Variants in DOP1B observed in about 807,000 individuals in gnomAD.
DOP1B encodes protein DOP1B.
In DOP1B, 174 loss-of-function variants were observed where a neutral mutation model predicts 233.5. That is an observed-to-expected ratio of 0.75 (90% CI 0.66 to 0.85). The LOEUF (loss-of-function observed/expected upper bound fraction) is 0.85. DOP1B is among the 40% of genes least tolerant of loss of function. The pLI, the probability that DOP1B is intolerant of heterozygous loss-of-function variation, is 0.00. For missense variants in DOP1B, 2,652 were observed against 2,846.6 expected (o/e 0.93, Z 1.56); for synonymous variants, 1,190 against 1,185.6 (o/e 1.00, Z -0.08).
Position 36,246,196 on chromosome 21 carries a change from A to C in DOP1B, c.4216A>C (p.Thr1406Pro), listed in dbSNP as rs754452524. Residue 1406 changes from threonine (T) to proline (P), a missense_variant, in exon 19 of 37, where the codon ACC becomes CCC. Transcript: ENST00000691173. The surrounding 1 kb of genome is among the most constrained non-coding windows in gnomAD (Gnocchi z 5.1). ...GAGCCAGAAGCGCTACGGGCTGGCC[A>C]CCGCCCACCACGGCAGGGCCCTGCC... The part of the protein sequence containing the change: ...YTSQKRYGLA[T>P]AHHGRALPED... The C allele has an allele frequency of 1.2e-6, 2 of 1,613,724 alleles. No homozygotes were observed. The highest frequency in any genetic ancestry group is 2.2e-5 in the South Asian group (2 of 91,068).
chr21:36,164,878 A>G lies in DOP1B; in HGVS notation c.138+7A>G. 6.3e-7 allele frequency: 1 copy of G among 1,597,142 alleles called. No individual in the cohort carries two copies. Among genetic ancestry groups the G allele is most frequent in the Non-Finnish European group, 8.5e-7 (1 of 1,172,674 alleles). ...ACTTGGCAAACTCAACAAGGTATGT[A>G]GGGTGTATCCTATTTGGATTGCATG... On this transcript the variant is annotated splice_region_variant and intron_variant, in intron 2 of 36. Transcript: ENST00000691173.
chr21:36,290,874 G>T (rs1001968218), intron 35 of DOP1B, among the ~76,000 whole-genome samples: 3 of 151,836 alleles, frequency 2.0e-5, no homozygotes, highest in African/African-American at 7.3e-5. Flanking sequence ...GGAAGCTGAG[G>T]AAGGAGAATC....
At chr21:36,280,063 CAG>C (rs770914667) in intron 30 of DOP1B, among the ~76,000 whole-genome samples, 2 of 152,178 alleles carry the variant, frequency 1.3e-5, no homozygotes, top group Non-Finnish European at 1.5e-5. Flanking sequence ...TTAGTAGAGA[CAG>C]GGTTTCTCCA....
At chr21:36,280,718 A>G (rs933581813) in intron 31 of DOP1B, among the ~76,000 whole-genome samples, 4 of 152,098 alleles carry the variant, frequency 2.6e-5, no homozygotes, top group African/African-American at 9.7e-5. Context: ...AGAAATAAGT[A>G]TTGGGCTGGG....
At chr21:36,258,716 C>G (rs538157726) in intron 23 of DOP1B, among the ~76,000 whole-genome samples, 2 of 152,230 alleles carry the variant, frequency 1.3e-5, no homozygotes, top group Non-Finnish European at 2.9e-5. Context: ...TGAGTGGTGT[C>G]GTGGAGGCTA....
chr21:36,265,888 A>C (rs1601464731), intron 26 of DOP1B, among the ~76,000 whole-genome samples: 2 of 152,276 alleles, frequency 1.3e-5, no homozygotes, highest in East Asian at 3.9e-4. Context: ...GCTTCCCACC[A>C]GCAACCAAGC....
chr21:36,159,706 G>A lies in DOP1B; in HGVS notation c.-27+2763G>A, dbSNP rs561793132. 4.7e-4 allele frequency among the ~76,000 whole-genome samples: 72 copies of A among 152,246 alleles called. No homozygotes were observed. The South Asian group carries it at 0.014, about 30-fold the overall frequency. On this transcript the variant is annotated intron_variant, in intron 1 of 36. Transcript: ENST00000691173. ...TGCCCTTCTTGCCATGAGCAGTGGC[G>A]TCCCTTGCCACCCCACCTTCTAAAT... is the stretch of plus-strand genomic sequence containing the variant.
At position 36,245,590 on chromosome 21, in the gene DOP1B, G is replaced by T. The variant is rs145394127; in HGVS notation, c.3610G>T (p.Ala1204Ser). The T allele has an allele frequency of 2.9e-4, 467 of 1,613,334 alleles. 2 individuals carry two copies. The Middle Eastern group carries it at 7.3e-3, about 25-fold the overall frequency. ...CGAGGAGGCGGACTTGGAGCTCCAG[G>T]CCCTCACCACATCCAGGCTGCTAAA... ...SDEEADLELQ[A>S]LTTSRLLKQQ... Residue 1204 changes from alanine (A) to serine (S), a missense_variant, in exon 19 of 37, where the codon GCC becomes TCC. By Grantham distance (99) the Ala-to-Ser change is moderately conservative. Around this residue, in one of 3 missense-constraint regions of DOP1B, gnomAD observed 2,617 missense variants for 2,794.3 expected, o/e 0.94. Coordinates refer to ENST00000691173, the MANE Select transcript of DOP1B (RefSeq NM_001320714.2). The surrounding 1 kb of genome is among the most constrained non-coding windows in gnomAD (Gnocchi z 5.5).
intron 13 of DOP1B, among the ~76,000 whole-genome samples, chr21:36,228,494 C>T (rs556868180): frequency 5.6e-4 from 85 of 151,890 alleles, no homozygotes; most frequent in South Asian, 1.0e-3. Context: ...GGGCTGGGCG[C>T]GGTGGCTCAC....
At position 36,289,141 on chromosome 21, in the gene DOP1B, A is replaced by G. The variant is rs2067525326; in HGVS notation, c.6450A>G (p.Leu2150=). The change falls in exon 35 of 37, where the codon TTA becomes TTG. Residue 2150 remains leucine, a synonymous_variant. Transcript: ENST00000691173. ...CCCAGAGTGAACTCATCTTGTATTT[A>G]TCAGCTTGCAAATTCTTGGACACAG... ...EIPQSELILY[L]SACKFLDTAL... is the part of the protein sequence containing the mutation. 7 of 1,614,100 alleles carry G rather than the reference A, an allele frequency of 4.3e-6. No homozygotes were observed. The Admixed American group carries it at 6.7e-5, about 15-fold the overall frequency.
intron 2 of DOP1B, among the ~76,000 whole-genome samples, chr21:36,168,088 C>T (rs540007432): frequency 8.6e-5 from 13 of 151,794 alleles, no homozygotes; most frequent in Non-Finnish European, 1.6e-4. Context: ...AGACTACAGG[C>T]GCACACCACC....
chr21:36,164,969 A>G (rs541145800), intron 2 of DOP1B, 98 bp downstream of exon 2: 1 of 1,065,988 alleles, frequency 9.4e-7, no homozygotes, highest in South Asian at 3.6e-5. Flanking sequence ...TTTGTATTTT[A>G]TAATCTTTAT....
intron 10 of DOP1B, among the ~76,000 whole-genome samples, chr21:36,221,932 C>T (rs1451520468): frequency 2.0e-5 from 3 of 152,126 alleles, no homozygotes; most frequent in South Asian, 2.1e-4. Flanking sequence ...GGTGCGGTGG[C>T]GCCATCTCGG....
At chr21:36,260,530 A>C in intron 23 of DOP1B, 147 bp from the exon 24 acceptor site, 4 of 987,834 alleles carry the variant, frequency 4.0e-6, no homozygotes, top group Non-Finnish European at 6.0e-6. Flanking sequence ...CATGATGGGC[A>C]CTATCATGTC....
intron 22 of DOP1B, 35 bp from the exon 23 acceptor site, chr21:36,253,737 A>G (rs754369626): frequency 6.2e-7 from 1 of 1,604,222 alleles, no homozygotes; most frequent in Non-Finnish European, 8.5e-7. Flanking sequence ...CTTTCTCTCT[A>G]TAAGCTTTCA....
rs766472488 is a variant in DOP1B at position 36,227,725 on chromosome 21, G to A, written c.1513G>A (p.Val505Met). 1.9e-6 allele frequency: 3 copies of A among 1,603,634 alleles called. No homozygotes were observed. In the South Asian group the frequency reaches 3.3e-5, roughly 18 times the overall value. Residue 505 changes from valine (V) to methionine (M), a missense_variant, in exon 13 of 37, where the codon GTG becomes ATG. Physicochemically the swap from Val to Met is conservative, Grantham distance 21. Coordinates refer to ENST00000691173, the MANE Select transcript of DOP1B (RefSeq NM_001320714.2). ...GGTGCAAACCCAGTATCTCCCTCAG[G>A]TGCTCGGCTGCCTGGTGCAGCCTCT... ...SEVQTQYLPQVLGCLVQPLAE... is the reference protein window; with the variant it reads ...SEVQTQYLPQMLGCLVQPLAE...
Position 36,231,184 on chromosome 21 carries a change from C to T in DOP1B, c.2350+50C>T, listed in dbSNP as rs374251780. Reference sequence around the variant, plus strand: ...CCTCTTTGGGAATCATACGATGAGGCGATTGACGTGGGTGGAATATCCCCT... The same window carrying T: ...CCTCTTTGGGAATCATACGATGAGGTGATTGACGTGGGTGGAATATCCCCT... On this transcript the variant is annotated intron_variant, in intron 14 of 36. Transcript: ENST00000691173. 3.1e-5 allele frequency: 47 copies of T among 1,527,584 alleles called. No individual in the cohort carries two copies. In the African/African-American group the frequency reaches 5.1e-4, roughly 17 times the overall value. The allele number at this position is 1,527,584 out of a possible 1,614,324, so 94.6% of individuals were successfully genotyped here.
rs747564114 is a variant in DOP1B at position 36,238,583 on chromosome 21, A to G, written c.2776-18A>G. ...TTACAAAACCAAGTTCCTCACTCCC[A>G]TGTATCTCCTCATCAAGGGAACAAG... On this transcript the variant is annotated intron_variant, in intron 16 of 36. Transcript: ENST00000691173. 8 of 1,611,228 alleles carry G rather than the reference A, an allele frequency of 5.0e-6. No homozygotes were observed. In the Admixed American group the frequency reaches 8.3e-5, roughly 17 times the overall value.
At chr21:36,210,017 C>T (rs1047185539) in intron 5 of DOP1B, among the ~76,000 whole-genome samples, 1 of 151,962 alleles carries the variant, frequency 6.6e-6, no homozygotes, top group East Asian at 1.9e-4. Context: ...AGGACACAGG[C>T]GACCCCGATG....
Sources: gnomAD v4.1 joint callset for allele counts (sites outside exome capture counted in the v4.1 genomes callset) on GRCh38, gnomAD v4.1.1 for gene constraint, gnomAD v4.1.1 regional missense constraint, Gnocchi (gnomAD v3.1) non-coding constraint, MANE v1.5 for transcripts, NCBI Gene and HGNC (gene_info 2026-07-23, HGNC 2026-07-21) for gene names.